Variants in LRFN5 observed in about 807,000 individuals in gnomAD.
The protein encoded by LRFN5 is leucine rich repeat and fibronectin type III domain containing 5.
LRFN5 carries 24 observed loss-of-function variants against 45.6 expected under a neutral mutation model. That is an observed-to-expected ratio of 0.53 (90% confidence interval 0.38 to 0.74). LRFN5 has a LOEUF of 0.74. LRFN5 is among the 30% of genes least tolerant of loss of function. LRFN5 has a pLI of 0.00. For missense variants in LRFN5, 776 were observed against 861.5 expected, an observed-to-expected ratio of 0.90 and a Z score of 1.24; for synonymous variants, 340 against 313.8, an observed-to-expected ratio of 1.08 and a Z score of -0.88.
chr14:41,699,911 G>A (rs1204309880), intron 1 of LRFN5: 1 of 152,108 alleles, frequency 6.6e-6, no homozygotes, highest in Non-Finnish European at 1.5e-5. Context: ...AAAACTGGTC[G>A]AGGAAAGTGT....
intron 1 of LRFN5, among the ~76,000 whole-genome samples, chr14:41,679,567 C>T (rs991961813): frequency 2.6e-5 from 4 of 152,094 alleles, no homozygotes; most frequent in African/African-American, 9.7e-5. Flanking sequence ...TCATCACCTG[C>T]TGACTAAAGA....
At chr14:41,858,831 G>T (rs996864089) in intron 2 of LRFN5, among the ~76,000 whole-genome samples, 1 of 151,866 alleles carries the variant, frequency 6.6e-6, no homozygotes, top group African/African-American at 2.4e-5. Flanking sequence ...ATCTTATTTG[G>T]GCTCTCCAGG....
chr14:41,776,806 A>C (rs1886308748), intron 2 of LRFN5, among the ~76,000 whole-genome samples: 1 of 152,040 alleles, frequency 6.6e-6, no homozygotes, highest in African/African-American at 2.4e-5. Context: ...AGAAATAAAG[A>C]TATTTTCCTA....
At chr14:41,811,803 T>C (rs1418803811) in intron 2 of LRFN5, among the ~76,000 whole-genome samples, 3 of 152,012 alleles carry the variant, frequency 2.0e-5, no homozygotes, top group Non-Finnish European at 4.4e-5. Context: ...GCTGATGGAC[T>C]GGGGGTTTCA....
chr14:41,754,124 A>G (rs1406291659), intron 1 of LRFN5, among the ~76,000 whole-genome samples: 1 of 152,176 alleles, frequency 6.6e-6, no homozygotes, highest in Non-Finnish European at 1.5e-5. Flanking sequence ...CCACTTGATC[A>G]TGGTGGATAA....
At chr14:41,884,469 G>C (rs1444718598) in intron 2 of LRFN5, among the ~76,000 whole-genome samples, 4 of 152,128 alleles carry the variant, frequency 2.6e-5, no homozygotes, top group African/African-American at 9.7e-5. Context: ...CAGTAGGGAA[G>C]GATCCAGGTT....
At chr14:41,721,482 A>C (rs1883710922) in intron 1 of LRFN5, among the ~76,000 whole-genome samples, 1 of 152,098 alleles carries the variant, frequency 6.6e-6, no homozygotes, top group Non-Finnish European at 1.5e-5. Context: ...TATGTACTTA[A>C]GTGTGTTTTT....
intron 2 of LRFN5, among the ~76,000 whole-genome samples, chr14:41,868,417 C>T (rs1173140680): frequency 1.3e-5 from 2 of 152,108 alleles, no homozygotes; most frequent in Non-Finnish European, 2.9e-5. Flanking sequence ...CAATTGAATG[C>T]ACGGTGGTAG....
At chr14:41,791,186 A>G (rs540214094) in intron 2 of LRFN5, among the ~76,000 whole-genome samples, 1 of 151,696 alleles carries the variant, frequency 6.6e-6, no homozygotes, top group African/African-American at 2.4e-5. Context: ...TGTTTTTTTT[A>G]AAAAAAGTAT....
intron 2 of LRFN5, among the ~76,000 whole-genome samples, chr14:41,810,332 T>C (rs577714704): frequency 3.3e-5 from 5 of 152,120 alleles, no homozygotes; most frequent in South Asian, 2.1e-4. Flanking sequence ...AGGAAGACCA[T>C]AGCTACTTGT....
chr14:41,650,267 A>ACACAC (rs1555351106), intron 1 of LRFN5, among the ~76,000 whole-genome samples: 4 of 121,834 alleles, frequency 3.3e-5, no homozygotes, highest in African/African-American at 9.8e-5. Flanking sequence ...ACACACACAC[A>ACACAC]AAAAAAAAAA....
At chr14:41,695,109 T>C (rs987915276) in intron 1 of LRFN5, among the ~76,000 whole-genome samples, 2 of 151,878 alleles carry the variant, frequency 1.3e-5, no homozygotes, top group African/African-American at 2.4e-5. Flanking sequence ...GGAGAAACTT[T>C]TAGCAGTTCA....
intron 1 of LRFN5, among the ~76,000 whole-genome samples, chr14:41,750,238 T>G (rs1885072582): frequency 6.7e-6 from 1 of 149,870 alleles, no homozygotes; most frequent in Admixed American, 6.7e-5. Flanking sequence ...ATGGCTTAGT[T>G]GGAATTTCTT....
At chr14:41,795,010 A>C (rs1226714821) in intron 2 of LRFN5, among the ~76,000 whole-genome samples, 1 of 129,662 alleles carries the variant, frequency 7.7e-6, no homozygotes, top group African/African-American at 2.6e-5. Flanking sequence ...CTAATTATGC[A>C]TACACACATA....
chr14:41,771,252 G>C (rs1886076502), intron 2 of LRFN5, among the ~76,000 whole-genome samples: 1 of 150,948 alleles, frequency 6.6e-6, no homozygotes, highest in African/African-American at 2.4e-5. Flanking sequence ...TCTGGGAGCA[G>C]GCCCAGTCTT....
At chr14:41,734,024 C>CTTTTTTTTT (rs1241948731) in intron 1 of LRFN5, among the ~76,000 whole-genome samples, 36 of 115,512 alleles carry the variant, frequency 3.1e-4, no homozygotes, top group East Asian at 6.7e-4. Context: ...CTTTTCTTTT[C>CTTTTTTTTT]TTTTCTTTTT....
At chr14:41,728,650 A>G (rs1468539239) in intron 1 of LRFN5, among the ~76,000 whole-genome samples, 1 of 152,170 alleles carries the variant, frequency 6.6e-6, no homozygotes, top group Non-Finnish European at 1.5e-5. Flanking sequence ...CTAATTCTTT[A>G]TCATTAAGAG....
intron 2 of LRFN5, among the ~76,000 whole-genome samples, chr14:41,790,679 C>G (rs1340711874): frequency 6.6e-6 from 1 of 150,768 alleles, no homozygotes; most frequent in Non-Finnish European, 1.5e-5. Flanking sequence ...TAAAAAAGAA[C>G]TTTATTTATC....
intron 1 of LRFN5, among the ~76,000 whole-genome samples, chr14:41,732,296 G>T (rs184848407): frequency 2.0e-5 from 3 of 152,206 alleles, no homozygotes; most frequent in Admixed American, 2.0e-4. Context: ...GGCAGTGGCC[G>T]TTATTGTTTC....
Sources: gnomAD v4.1 joint callset for allele counts (sites outside exome capture counted in the v4.1 genomes callset) on GRCh38, gnomAD v4.1.1 for gene constraint, MANE v1.5 for transcripts, NCBI Gene and HGNC (gene_info 2026-07-23, HGNC 2026-07-21) for gene names.